The following TRAIP variants were observed in gnomAD, a reference collection of about 807,000 sequenced individuals.
TRAIP encodes TRAF interacting protein.
Under a neutral mutation model 65.0 loss-of-function variants are expected in TRAIP, and 37 were observed. The ratio of observed to expected loss-of-function variants is 0.57; its 90% CI spans 0.44 to 0.75. The LOEUF (loss-of-function observed/expected upper bound fraction) is 0.75. Ranked by LOEUF, TRAIP falls within the 30% of genes least tolerant of loss-of-function variation. The pLI is 0.00. For missense variants in TRAIP, 481 were observed against 579.4 expected (o/e 0.83, Z 1.74); for synonymous variants, 187 against 219.1 (o/e 0.85, Z 1.29).
At position 49,856,375 on chromosome 3, in the gene TRAIP, G is replaced by A. The variant is rs767981536; in HGVS notation, c.79C>T (p.His27Tyr). 57 of 1,613,948 alleles carry A rather than the reference G, an allele frequency of 3.5e-5. No individual in the cohort carries two copies. Among genetic ancestry groups the A allele is most frequent in the Non-Finnish European group, 4.7e-5 (55 of 1,179,970 alleles). ...SRDVAAIHCGHTFHLQCLIQW... is the reference protein window; with the variant it reads ...SRDVAAIHCGYTFHLQCLIQW... ...ACTCACCACTGCAAGTGGAAGGTGTGGCCGCAGTGGATGGCGGCCACGTCG... is the reference window on the plus strand; with the variant it reads ...ACTCACCACTGCAAGTGGAAGGTGTAGCCGCAGTGGATGGCGGCCACGTCG... The change falls in exon 1 of 15, where the codon CAC (histidine) becomes TAC (tyrosine). Residue 27 changes from histidine (H) to tyrosine (Y), a missense_variant. Transcript: ENST00000331456.
At chr3:49,853,833 C>A (rs1026003301) in intron 1 of TRAIP, among the ~76,000 whole-genome samples, 2 of 151,340 alleles carry the variant, frequency 1.3e-5, no homozygotes, top group Non-Finnish European at 2.9e-5. Context: ...GGCCACAGAA[C>A]GAGACTCCAT....
At chr3:49,851,845 C>T (rs1247259561) in intron 1 of TRAIP, among the ~76,000 whole-genome samples, 3 of 151,538 alleles carry the variant, frequency 2.0e-5, no homozygotes, top group Non-Finnish European at 2.9e-5. Context: ...TAGAGGCGCC[C>T]GCCACCATGC....
rs778129131 is a variant in TRAIP at position 49,829,485 on chromosome 3, G to A, written c.1260C>T (p.Leu420=). 9.3e-6 allele frequency: 15 copies of A among 1,614,022 alleles called. No homozygotes were observed. Among genetic ancestry groups the A allele is most frequent in the Middle Eastern group, 1.6e-4 (1 of 6,084 alleles). The part of the protein sequence containing the change: ...KDVVRTGFDG[L]GGRTKFIQPT... ...GCTGGATGAATTTTGTCCGGCCACC[G>A]AGCCCATCGAAGCCTGTCCTTACCT... The change falls in exon 14 of 15, where the codon CTC becomes CTT. Residue 420 remains leucine, a synonymous_variant. Coordinates refer to ENST00000331456, the MANE Select transcript of TRAIP (RefSeq NM_005879.3).
At chr3:49,849,578 T>C (rs1368171963) in intron 1 of TRAIP, among the ~76,000 whole-genome samples, 1 of 151,794 alleles carries the variant, frequency 6.6e-6, no homozygotes, top group Non-Finnish European at 1.5e-5. Flanking sequence ...TGAGCTGAGA[T>C]TGTGCCACTA....
rs1193171868 is a variant in TRAIP at position 49,840,274 on chromosome 3, T to C, written c.795+10A>G. 1.2e-6 allele frequency: 2 copies of C among 1,613,334 alleles called. No individual in the cohort carries two copies. The highest frequency in any genetic ancestry group is 3.3e-5 in the Admixed American group (2 of 60,022). On this transcript the variant is annotated intron_variant, in intron 9 of 14. Transcript: ENST00000331456. ...CCCCTCATTCCTGTCAAGCCAGGGA[T>C]GTCCCTCACCATGATTTCCTTGTCA...
intron 11 of TRAIP, 23 bp from the exon 12 acceptor site, chr3:49,830,091 A>G (rs750775057): frequency 2.5e-6 from 4 of 1,613,862 alleles, no homozygotes; most frequent in Non-Finnish European, 3.4e-6. Flanking sequence ...GAGAGAAGGC[A>G]AGGGGTAGGT....
In TRAIP at chr3:49,829,036, C is replaced by G; in HGVS notation, c.*67G>C. The G allele has an allele frequency of 2.5e-6, 4 of 1,610,634 alleles. No individual in the cohort carries two copies. The highest frequency in any genetic ancestry group is 2.5e-6 in the Non-Finnish European group (3 of 1,177,528). On this transcript the variant is annotated 3_prime_UTR_variant, in exon 15 of 15. Coordinates refer to ENST00000331456, the MANE Select transcript of TRAIP (RefSeq NM_005879.3). ...AAGTGGGGCTCTGTCCACAAAACCC[C>G]TGCCTGGACAGTCCTTGACCTACAA...
chr3:49,853,951 T>C (rs2081953161), intron 1 of TRAIP, among the ~76,000 whole-genome samples: 3 of 150,090 alleles, frequency 2.0e-5, no homozygotes, highest in African/African-American at 7.4e-5. Context: ...AAGAAACAAT[T>C]ATAAACTCCA....
At chr3:49,845,025 T>A (rs764037945) in intron 3 of TRAIP, among the ~76,000 whole-genome samples, 11 of 152,232 alleles carry the variant, frequency 7.2e-5, no homozygotes, top group Non-Finnish European at 1.6e-4. Flanking sequence ...CCCTGGGTCT[T>A]CCTGATTCAT....
At chr3:49,844,717 C>T (rs1353090165) in intron 3 of TRAIP, 137 bp from the exon 4 acceptor site, 1 of 878,220 alleles carries the variant, frequency 1.1e-6, no homozygotes, top group Non-Finnish European at 1.8e-6. Flanking sequence ...GCCTCAAGGC[C>T]AAGCTAAGCT....
chr3:49,841,819 T>C lies in TRAIP; in HGVS notation c.617+7A>G, dbSNP rs2081841712. 1 of 1,611,574 alleles carries C rather than the reference T, an allele frequency of 6.2e-7. No individual in the cohort carries two copies. Among genetic ancestry groups the C allele is most frequent in the Admixed American group, 1.7e-5 (1 of 59,996 alleles). On this transcript the variant is annotated splice_region_variant and intron_variant, in intron 7 of 14. Transcript: ENST00000331456. ...CTGTGTTTGCTGAGAGGGGCCACAGTACGCACTTCTTGAGAGACACACAGT... is the reference window on the plus strand; with the variant it reads ...CTGTGTTTGCTGAGAGGGGCCACAGCACGCACTTCTTGAGAGACACACAGT...
chr3:49,856,302 G>T, intron 1 of TRAIP, 54 bp downstream of exon 1: 1 of 1,503,580 alleles, frequency 6.7e-7, no homozygotes, highest in Non-Finnish European at 9.2e-7. Flanking sequence ...AACACCTCAA[G>T]GCCCTGAAGC....
At chr3:49,837,898 A>G (rs1473294223) in intron 10 of TRAIP, among the ~76,000 whole-genome samples, 2 of 137,304 alleles carry the variant, frequency 1.5e-5, no homozygotes, top group Non-Finnish European at 3.2e-5. Flanking sequence ...TTTTTTTCCA[A>G]GAGAGACGGG....
intron 11 of TRAIP, among the ~76,000 whole-genome samples, chr3:49,831,191 C>T (rs902068834): frequency 6.6e-6 from 1 of 152,224 alleles, no homozygotes; most frequent in Non-Finnish European, 1.5e-5. Flanking sequence ...CTGGCTTGCC[C>T]TCTTGCTCCC....
At chr3:49,852,271 G>T (rs556257382) in intron 1 of TRAIP, among the ~76,000 whole-genome samples, 1 of 151,792 alleles carries the variant, frequency 6.6e-6, no homozygotes, top group Non-Finnish European at 1.5e-5. Flanking sequence ...GGAGGTTGAC[G>T]CAGGAGAATT....
At chr3:49,840,221 G>T in intron 9 of TRAIP, 63 bp downstream of exon 9, 1 of 1,446,394 alleles carries the variant, frequency 6.9e-7, no homozygotes, top group Non-Finnish European at 9.7e-7. Context: ...AGATAGCCCA[G>T]CCCTGCTCTG....
intron 10 of TRAIP, 199 bp downstream of exon 10, chr3:49,839,573 T>A (rs951007596): frequency 6.7e-6 from 4 of 599,506 alleles, no homozygotes; most frequent in Non-Finnish European, 1.2e-5. Flanking sequence ...CCTCTGGCCT[T>A]CTCTGGCCTC....
intron 10 of TRAIP, 110 bp from the exon 11 acceptor site, chr3:49,832,178 C>G: frequency 8.0e-7 from 1 of 1,255,650 alleles, no homozygotes; most frequent in Non-Finnish European, 1.0e-6. Flanking sequence ...CCACTCCTGA[C>G]TCAAGGCCAC....
chr3:49,837,735 C>T (rs1406341712), intron 10 of TRAIP, among the ~76,000 whole-genome samples: 1 of 151,934 alleles, frequency 6.6e-6, no homozygotes, highest in Non-Finnish European at 1.5e-5. Context: ...GCGCCTGCCA[C>T]CACACCCAGC....
Sources: gnomAD v4.1 joint callset for allele counts (sites outside exome capture counted in the v4.1 genomes callset) on GRCh38, gnomAD v4.1.1 for gene constraint, MANE v1.5 for transcripts, NCBI Gene and HGNC (gene_info 2026-07-23, HGNC 2026-07-21) for gene names.